CDK5RAP2: variants seen among roughly 807,000 people sequenced by gnomAD.
CDK5RAP2 encodes CDK5 regulatory subunit-associated protein 2.
CDK5RAP2 carries 147 observed loss-of-function variants against 232.9 expected under a neutral mutation model. The ratio of observed to expected loss-of-function variants is 0.63; its 90% confidence interval spans 0.55 to 0.72. The LOEUF is 0.72. Ranked by LOEUF, CDK5RAP2 falls within the 30% of genes least tolerant of loss-of-function variation. CDK5RAP2 has a pLI of 0.00. For missense variants in CDK5RAP2, 2,195 were observed against 2,231.5 expected, an observed-to-expected ratio of 0.98 and a Z score of 0.33; for synonymous variants, 833 against 833.7, an observed-to-expected ratio of 1.00 and a Z score of 0.01.
intron 36 of CDK5RAP2, among the ~76,000 whole-genome samples, chr9:120,391,357 A>G (rs953576471): frequency 6.6e-6 from 1 of 152,170 alleles, no homozygotes; most frequent in African/African-American, 2.4e-5. Context: ...AGACCGAGGA[A>G]CACAGCGACA....
chr9:120,439,333 T>C, intron 24 of CDK5RAP2, 66 bp downstream of exon 24: 1 of 1,313,890 alleles, frequency 7.6e-7, no homozygotes, highest in Admixed American at 1.7e-5. Flanking sequence ...GCTCATGGGC[T>C]CCCACCTAGT....
intron 1 of CDK5RAP2, among the ~76,000 whole-genome samples, chr9:120,572,988 G>T (rs1247713817): frequency 6.6e-6 from 1 of 152,236 alleles, no homozygotes. Flanking sequence ...TGGCGGTTCT[G>T]TGGAGAGCCA....
At chr9:120,499,139 G>C (rs1413208819) in intron 12 of CDK5RAP2, among the ~76,000 whole-genome samples, 2 of 152,182 alleles carry the variant, frequency 1.3e-5, no homozygotes, top group Non-Finnish European at 2.9e-5. Flanking sequence ...GTAATTTTAA[G>C]AGATTACTAC....
chr9:120,463,937 G>A (rs1025646015), intron 18 of CDK5RAP2, among the ~76,000 whole-genome samples: 1 of 152,094 alleles, frequency 6.6e-6, no homozygotes, highest in African/African-American at 2.4e-5. Context: ...TACCTGGCTC[G>A]GCTTCCAGCC....
At chr9:120,460,392 T>C (rs149874096) in intron 19 of CDK5RAP2, among the ~76,000 whole-genome samples, 180 bp downstream of exon 19, 138 of 152,364 alleles carry the variant, frequency 9.1e-4, no homozygotes, top group Admixed American at 1.5e-3. Flanking sequence ...ACTGGCTCTG[T>C]CACCCAGTTT....
chr9:120,414,990 A>T (rs772244810), intron 28 of CDK5RAP2, 50 bp downstream of exon 28: 2 of 1,605,710 alleles, frequency 1.2e-6, no homozygotes, highest in African/African-American at 2.7e-5. Flanking sequence ...AATGCGTCAC[A>T]GTGAAGCACT....
chr9:120,393,591 G>A (rs539990120), intron 36 of CDK5RAP2, among the ~76,000 whole-genome samples: 15 of 152,338 alleles, frequency 9.8e-5, no homozygotes, highest in South Asian at 2.1e-4. Flanking sequence ...CACAGACAGC[G>A]CAGGCTTGGC....
chr9:120,478,780 TAACA>T (rs199893914), intron 14 of CDK5RAP2, among the ~76,000 whole-genome samples: 1,575 of 152,016 alleles, frequency 0.01, 17 homozygotes, highest in Non-Finnish European at 0.017. Context: ...GACCCTGAAA[TAACA>T]AACAAACAAA....
In CDK5RAP2 at chr9:120,508,346, G is replaced by C. The variant is rs138037532; in HGVS notation, c.1311+10081C>G. On this transcript the variant is annotated intron_variant, in intron 12 of 37. Coordinates refer to ENST00000349780, the MANE Select transcript of CDK5RAP2 (RefSeq NM_018249.6). The stretch of plus-strand genomic sequence containing the variant: ...GATGATGTGTGGAGGTGGGTGCCAG[G>C]CCTCCTACCTCACTTCACCCTGAGC... 1.0e-3 allele frequency among the ~76,000 whole-genome samples: 159 copies of C among 152,172 alleles called. 1 individual carries two copies. Among genetic ancestry groups the C allele is most frequent in the Non-Finnish European group, 1.9e-3 (132 of 67,996 alleles).
chr9:120,397,297 C>A (rs71509518), intron 35 of CDK5RAP2, among the ~76,000 whole-genome samples: 1 of 152,184 alleles, frequency 6.6e-6, no homozygotes, highest in African/African-American at 2.4e-5. Context: ...ATACTTACCT[C>A]TACTACATTC....
intron 25 of CDK5RAP2, among the ~76,000 whole-genome samples, chr9:120,431,588 G>T (rs369627976): frequency 1.3e-5 from 2 of 152,236 alleles, no homozygotes; most frequent in East Asian, 3.9e-4. Flanking sequence ...ATCAGAGGGT[G>T]GTGGGCTGGC....
At chr9:120,474,213 CAACA>C (rs766942454) in intron 15 of CDK5RAP2, among the ~76,000 whole-genome samples, 8 of 152,150 alleles carry the variant, frequency 5.3e-5, no homozygotes, top group Non-Finnish European at 8.8e-5. Context: ...ATGAGATGCT[CAACA>C]AACATCATTT....
At chr9:120,551,754 C>T (rs566678479) in intron 3 of CDK5RAP2, among the ~76,000 whole-genome samples, 23 of 152,224 alleles carry the variant, frequency 1.5e-4, no homozygotes, top group African/African-American at 5.1e-4. Context: ...TTTACAGAAA[C>T]AACCATATGA....
At position 120,568,187 on chromosome 9, in the gene CDK5RAP2, C is replaced by T. The variant is rs548023668; in HGVS notation, c.195+134G>A. ...TACGTAAAAGTCTCACAGAAGATGTCCATGAGACATGGCACCCCCCTGCCT... is the reference window on the plus strand; with the variant it reads ...TACGTAAAAGTCTCACAGAAGATGTTCATGAGACATGGCACCCCCCTGCCT... On this transcript the variant is annotated intron_variant, in intron 3 of 37. Transcript: ENST00000349780. The T allele has an allele frequency of 3.7e-4, 286 of 765,820 alleles. 3 individuals are homozygous for T. In the African/African-American group the frequency reaches 4.4e-3, roughly 12 times the overall value. 47.4% of individuals were successfully genotyped at this position (765,820 alleles called of 1,614,324 possible). A position where few individuals can be genotyped will look rare whatever the true frequency, so the allele number is the denominator to read the frequency against.
At chr9:120,546,106 C>A (rs1287126583) in intron 4 of CDK5RAP2, among the ~76,000 whole-genome samples, 2 of 152,150 alleles carry the variant, frequency 1.3e-5, no homozygotes, top group Non-Finnish European at 2.9e-5. Context: ...AAATTGTATG[C>A]CCTCCACCAA....
chr9:120,468,766 C>T (rs1026457941), intron 17 of CDK5RAP2, among the ~76,000 whole-genome samples: 4 of 152,170 alleles, frequency 2.6e-5, no homozygotes, highest in African/African-American at 4.8e-5. Flanking sequence ...CTGGGTCTTG[C>T]GAGGCCACAC....
intron 35 of CDK5RAP2, among the ~76,000 whole-genome samples, chr9:120,397,544 TAAAAAAAAAAAA>T (rs760469422): frequency 2.0e-5 from 1 of 49,196 alleles, no homozygotes; most frequent in Non-Finnish European, 3.7e-5. Context: ...AAAACATTCT[TAAAAAAAAAAAA>T]AAAAAAAAAG....
chr9:120,557,300 C>T lies in CDK5RAP2; in HGVS notation c.196-6398G>A, dbSNP rs566533048. ...GGATCCTTCTTCATGTTTCCACACA[C>T]TCTCTACTTTATCAGAGCAATGCCC... On this transcript the variant is annotated intron_variant, in intron 3 of 37. Coordinates refer to ENST00000349780, the MANE Select transcript of CDK5RAP2 (RefSeq NM_018249.6). Among the ~76,000 whole-genome samples the T allele has an allele frequency of 2.0e-5, 3 of 152,316 alleles. No individual in the cohort carries two copies. The South Asian group carries it at 6.2e-4, about 32-fold the overall frequency.
chr9:120,435,450 T>A (rs996816335), intron 25 of CDK5RAP2, among the ~76,000 whole-genome samples: 15 of 147,918 alleles, frequency 1.0e-4, no homozygotes, highest in East Asian at 2.0e-4. Flanking sequence ...ATGATTTTTT[T>A]AAAAAATAAA....
Sources: gnomAD v4.1 joint callset for allele counts (sites outside exome capture counted in the v4.1 genomes callset) on GRCh38, gnomAD v4.1.1 for gene constraint, MANE v1.5 for transcripts, NCBI Gene and HGNC (gene_info 2026-07-23, HGNC 2026-07-21) for gene names.